Variants in NALF1 observed in about 807,000 individuals in gnomAD.
The protein encoded by NALF1 is NALCN channel auxiliary factor 1.
Under a neutral mutation model 48.4 loss-of-function variants are expected in NALF1, and 3 were observed. The ratio of observed to expected loss-of-function variants is 0.06; its 90% CI spans 0.03 to 0.16. The LOEUF is 0.16. NALF1 is among the 10% of genes least tolerant of loss of function. The pLI is 1.00. For missense variants in NALF1, 526 were observed against 571.5 expected (o/e 0.92, Z 0.81); for synonymous variants, 262 against 245.7 (o/e 1.07, Z -0.62).
Position 107,808,406 on chromosome 13 carries a change from T to G in NALF1, c.915+57276A>C, listed in dbSNP as rs1878874897. On this transcript the variant is annotated intron_variant, in intron 1 of 2. Transcript: ENST00000375915. The stretch of plus-strand genomic sequence containing the variant: ...CCTAGAGAATATAAATTTCACTTAG[T>G]TTTTTGCACATTTTTCCCAAGATTT... Among the ~76,000 whole-genome samples, 6 of 152,080 alleles carry G rather than the reference T, an allele frequency of 3.9e-5. 1 individual carries two copies. The South Asian group carries it at 1.2e-3, about 32-fold the overall frequency.
At chr13:107,177,085 A>C (rs1203797912) in intron 2 of NALF1, among the ~76,000 whole-genome samples, 1 of 152,102 alleles carries the variant, frequency 6.6e-6, no homozygotes, top group African/African-American at 2.4e-5. Flanking sequence ...CAACAGTGAA[A>C]AATCTGAAAA....
intron 1 of NALF1, among the ~76,000 whole-genome samples, chr13:107,318,954 T>C (rs1364522022): frequency 1.3e-5 from 2 of 152,252 alleles, no homozygotes; most frequent in African/African-American, 2.4e-5. Flanking sequence ...AATTTGTTTT[T>C]CCAAGACTCA....
At chr13:107,320,701 C>T (rs1025600851) in intron 1 of NALF1, among the ~76,000 whole-genome samples, 3 of 151,972 alleles carry the variant, frequency 2.0e-5, no homozygotes, top group Non-Finnish European at 4.4e-5. Flanking sequence ...AAAGGATCTA[C>T]GACAGGACAA....
intron 1 of NALF1, among the ~76,000 whole-genome samples, chr13:107,605,462 C>T (rs1432405057): frequency 2.0e-5 from 3 of 152,010 alleles, no homozygotes; most frequent in Admixed American, 1.3e-4. Context: ...ACGACAAATT[C>T]ATTATTAGGC....
intron 1 of NALF1, among the ~76,000 whole-genome samples, chr13:107,611,350 T>C (rs1293321343): frequency 1.3e-5 from 2 of 152,224 alleles, no homozygotes; most frequent in Non-Finnish European, 2.9e-5. Context: ...TCTGGACTTA[T>C]ATCCAAACAA....
chr13:107,273,396 T>C (rs1881215354), intron 1 of NALF1, among the ~76,000 whole-genome samples: 1 of 152,222 alleles, frequency 6.6e-6, no homozygotes, highest in Non-Finnish European at 1.5e-5. Context: ...ATTAAATAGA[T>C]TTGCATGCTT....
At chr13:107,550,431 A>G (rs1243388805) in intron 1 of NALF1, among the ~76,000 whole-genome samples, 1 of 152,186 alleles carries the variant, frequency 6.6e-6, no homozygotes, top group East Asian at 1.9e-4. Context: ...TTTTTAATAC[A>G]TAGAATAATT....
intron 1 of NALF1, among the ~76,000 whole-genome samples, chr13:107,278,110 C>T (rs1233968293): frequency 1.3e-5 from 2 of 152,194 alleles, no homozygotes; most frequent in African/African-American, 4.8e-5. Context: ...CCTTGTTAAT[C>T]ATAGACCACA....
At chr13:107,598,712 C>T in intron 1 of NALF1, among the ~76,000 whole-genome samples, 1 of 152,134 alleles carries the variant, frequency 6.6e-6, no homozygotes, top group Admixed American at 6.5e-5. Flanking sequence ...CATCTTTCTT[C>T]GTGTCATTTC....
intron 1 of NALF1, among the ~76,000 whole-genome samples, chr13:107,277,791 G>A (rs1387317294): frequency 6.6e-6 from 1 of 152,150 alleles, no homozygotes; most frequent in East Asian, 1.9e-4. Context: ...TTAAGGAAAT[G>A]ATTCTAACCT....
chr13:107,758,670 G>A (rs1379586406), intron 1 of NALF1, among the ~76,000 whole-genome samples: 3 of 152,016 alleles, frequency 2.0e-5, no homozygotes, highest in Admixed American at 1.3e-4. Flanking sequence ...GTAGTGAGCC[G>A]AGATAGCGCC....
intron 1 of NALF1, among the ~76,000 whole-genome samples, chr13:107,661,091 TC>T (rs1880725439): frequency 6.6e-6 from 1 of 152,206 alleles, no homozygotes; most frequent in Admixed American, 6.5e-5. Context: ...TTGGAGCACC[TC>T]TCAAACAAGA....
intron 1 of NALF1, among the ~76,000 whole-genome samples, chr13:107,335,493 A>T (rs1882539145): frequency 6.6e-6 from 1 of 152,220 alleles, no homozygotes; most frequent in Non-Finnish European, 1.5e-5. Flanking sequence ...GACCTTTTCC[A>T]TTCTTTCATC....
At position 107,350,490 on chromosome 13, in the gene NALF1, C is replaced by G. The variant is rs540719605; in HGVS notation, c.916-139735G>C. Among the ~76,000 whole-genome samples, 9 of 152,276 alleles carry G rather than the reference C, an allele frequency of 5.9e-5. No homozygotes were observed. In the South Asian group the frequency reaches 1.9e-3, roughly 32 times the overall value. ...CCTCTTTTGAATTGCAAAAGAGAAA[C>G]TTAAAACAATCAGTGAAGCTGAGGG... On this transcript the variant is annotated intron_variant, in intron 1 of 2. Coordinates refer to ENST00000375915, the MANE Select transcript of NALF1 (RefSeq NM_001080396.3).
At chr13:107,634,359 TCACCA>T (rs1174145878) in intron 1 of NALF1, among the ~76,000 whole-genome samples, 4 of 152,106 alleles carry the variant, frequency 2.6e-5, no homozygotes, top group Non-Finnish European at 4.4e-5. Flanking sequence ...AGCCCATATT[TCACCA>T]CTACACAAGC....
chr13:107,739,205 G>C (rs1876555680), intron 1 of NALF1, among the ~76,000 whole-genome samples: 1 of 151,878 alleles, frequency 6.6e-6, no homozygotes, highest in Admixed American at 6.6e-5. Context: ...AAATATCTAA[G>C]GTATGCGGGG....
intron 1 of NALF1, among the ~76,000 whole-genome samples, chr13:107,339,179 A>G (rs911353820): frequency 2.0e-5 from 3 of 151,630 alleles, no homozygotes; most frequent in African/African-American, 7.3e-5. Context: ...AACTCAAGAC[A>G]TCTAGTAACT....
chr13:107,219,116 A>T (rs80277377), intron 1 of NALF1, among the ~76,000 whole-genome samples: 1,729 of 152,360 alleles, frequency 0.011, 40 homozygotes, highest in African/African-American at 0.04. Flanking sequence ...GCATCAAAAA[A>T]GAAGAAAGTC....
chr13:107,733,131 A>G (rs755458927), intron 1 of NALF1, among the ~76,000 whole-genome samples: 2 of 111,094 alleles, frequency 1.8e-5, no homozygotes, highest in Non-Finnish European at 2.0e-5. Flanking sequence ...TTAGGTTAGT[A>G]AGTTATTCTA....
Sources: gnomAD v4.1 joint callset for allele counts (sites outside exome capture counted in the v4.1 genomes callset) on GRCh38, gnomAD v4.1.1 for gene constraint, MANE v1.5 for transcripts, NCBI Gene and HGNC (gene_info 2026-07-23, HGNC 2026-07-21) for gene names.